Variants in ADARB2 observed in about 807,000 individuals in gnomAD.
The protein encoded by ADARB2 is adenosine deaminase RNA specific B2 (inactive), also known as inactive double-stranded RNA-specific editase B2.
ADARB2 carries 25 observed loss-of-function variants against 62.2 expected under a neutral mutation model. That is an observed-to-expected ratio of 0.40 (90% CI 0.29 to 0.56). The LOEUF (loss-of-function observed/expected upper bound fraction) is 0.56. Among genes scored for constraint, ADARB2 ranks in the 20% least tolerant of loss-of-function variants. The probability of loss-of-function intolerance (pLI) is 0.43; values close to 1 mark genes in which losing one functional copy is unlikely to be tolerated. For synonymous variants in ADARB2, 572 were observed against 500.8 expected (o/e 1.14, Z -1.90); for missense variants, 1,071 against 1,077.4 (o/e 0.99, Z 0.08).
intron 3 of ADARB2, among the ~76,000 whole-genome samples, chr10:1,336,841 G>A (rs1355193072): frequency 4.6e-5 from 7 of 152,064 alleles, no homozygotes; most frequent in Non-Finnish European, 7.4e-5. Flanking sequence ...TTCCATCGTC[G>A]TTGGTGATTC....
At chr10:1,626,803 A>C (rs1296295159) in intron 1 of ADARB2, among the ~76,000 whole-genome samples, 3 of 152,222 alleles carry the variant, frequency 2.0e-5, no homozygotes, top group African/African-American at 7.2e-5. Context: ...TACATGTTGT[A>C]TTATATATAG....
At position 1,330,394 on chromosome 10, in the gene ADARB2, CTATT is replaced by C. The variant is rs1405410489; in HGVS notation, c.1077+32630_1077+32633del. ...ATTTATAGAGGATCTATAAATCACT[CTATT>C]AATTTGTAAAACATATACAAAAATA... On this transcript the variant is annotated intron_variant, in intron 3 of 9. Coordinates refer to ENST00000381312, the MANE Select transcript of ADARB2 (RefSeq NM_018702.4). 1.1e-4 allele frequency among the ~76,000 whole-genome samples: 17 copies of C among 152,186 alleles called. No homozygotes were observed. The East Asian group carries it at 2.1e-3, about 19-fold the overall frequency.
chr10:1,566,621 A>G (rs1393708941), intron 1 of ADARB2, among the ~76,000 whole-genome samples: 2 of 152,238 alleles, frequency 1.3e-5, no homozygotes, highest in African/African-American at 4.8e-5. Flanking sequence ...GGCAGATTCA[A>G]TGAGAGAAAT....
intron 1 of ADARB2, among the ~76,000 whole-genome samples, chr10:1,636,934 CTATA>C (rs746429489): frequency 5.8e-4 from 87 of 150,070 alleles, no homozygotes; most frequent in African/African-American, 1.9e-3. Flanking sequence ...ATATCTCTCT[CTATA>C]TATAAAATTT....
chr10:1,529,052 AACAAATCCTCCAATC>A (rs1832184795), intron 1 of ADARB2, among the ~76,000 whole-genome samples: 1 of 151,492 alleles, frequency 6.6e-6, no homozygotes, highest in Non-Finnish European at 1.5e-5. Context: ...GCACCACCCC[AACAAATCCTCCAATC>A]AGTCCACCCA....
intron 6 of ADARB2, among the ~76,000 whole-genome samples, chr10:1,223,827 G>A (rs145034291): frequency 0.28 from 42,096 of 152,086 alleles, 7,097 homozygotes; most frequent in South Asian, 0.45. Context: ...CGTTTTGCCC[G>A]TATTTTATTG....
intron 7 of ADARB2, among the ~76,000 whole-genome samples, chr10:1,205,516 C>T (rs1316103029): frequency 6.6e-6 from 1 of 152,202 alleles, no homozygotes; most frequent in East Asian, 1.9e-4. Flanking sequence ...GGAGCTCACA[C>T]AGGTCAGGCC....
rs1413256545 is a variant in ADARB2, at chr10:1,255,117, G to A, written c.1193-12818C>T. Among the ~76,000 whole-genome samples the A allele has an allele frequency of 1.3e-5, 2 of 152,266 alleles. No homozygotes were observed. The highest frequency in any genetic ancestry group is 3.8e-4 in the East Asian group (2 of 5,202). ...AGTCATGCCGGGGCTCAGCCCCAGT[G>A]AGGGAGCAAGCGGGGCCAATGCTCT... is the stretch of plus-strand genomic sequence containing the variant. On this transcript the variant is annotated intron_variant, in intron 4 of 9. Coordinates refer to ENST00000381312, the MANE Select transcript of ADARB2 (RefSeq NM_018702.4). The surrounding 1 kb of genome is among the most constrained non-coding windows in gnomAD (Gnocchi z 4.7).
rs138970040 is a variant in ADARB2 at position 1,623,696 on chromosome 10, C to T, written c.100+113355G>A. Among the ~76,000 whole-genome samples the T allele has an allele frequency of 2.1e-3, 314 of 152,358 alleles. 1 individual carries two copies. The highest frequency in any genetic ancestry group is 6.8e-3 in the African/African-American group (284 of 41,590). On this transcript the variant is annotated intron_variant, in intron 1 of 9. Coordinates refer to ENST00000381312, the MANE Select transcript of ADARB2 (RefSeq NM_018702.4). The stretch of plus-strand genomic sequence containing the variant: ...CATGGATTCCCTGCCTTATTGAAGA[C>T]ATTGGAGACCTCCCTCCCGCCTACA...
chr10:1,568,329 C>A (rs1456353939), intron 1 of ADARB2, among the ~76,000 whole-genome samples: 1 of 152,098 alleles, frequency 6.6e-6, no homozygotes, highest in African/African-American at 2.4e-5. Flanking sequence ...GCTCCTGCAC[C>A]AGCAGCACAG....
chr10:1,364,284 T>C (rs1475832005), intron 2 of ADARB2, among the ~76,000 whole-genome samples: 1 of 152,180 alleles, frequency 6.6e-6, no homozygotes, highest in Non-Finnish European at 1.5e-5. Context: ...AGTGTCCCCC[T>C]TCCCACCTGC....
At position 1,733,000 on chromosome 10, in the gene ADARB2, A is replaced by G. The variant is rs76146510; in HGVS notation, c.100+4051T>C. Among the ~76,000 whole-genome samples the G allele has an allele frequency of 4.1e-3, 631 of 152,356 alleles. 4 individuals carry two copies. Among genetic ancestry groups the G allele is most frequent in the African/African-American group, 0.015 (606 of 41,576 alleles). On this transcript the variant is annotated intron_variant, in intron 1 of 9. Coordinates refer to ENST00000381312, the MANE Select transcript of ADARB2 (RefSeq NM_018702.4). Reference sequence around the variant, plus strand: ...GCTCAAAATGTATTTTCAAGTTTCTAAAACTCTGTATAACCAACCACTCTA... The same window carrying G: ...GCTCAAAATGTATTTTCAAGTTTCTGAAACTCTGTATAACCAACCACTCTA...
intron 1 of ADARB2, among the ~76,000 whole-genome samples, chr10:1,481,191 G>C (rs1386288470): frequency 6.6e-6 from 1 of 152,198 alleles, no homozygotes; most frequent in Non-Finnish European, 1.5e-5. Flanking sequence ...TTTGACAAAG[G>C]TGCTGCAACT....
At chr10:1,441,463 T>A (rs1313795342) in intron 1 of ADARB2, among the ~76,000 whole-genome samples, 2 of 152,244 alleles carry the variant, frequency 1.3e-5, no homozygotes, top group South Asian at 2.1e-4. Context: ...TGTTTACATA[T>A]GATTATTTGT....
chr10:1,607,441 T>C (rs1159718945), intron 1 of ADARB2, among the ~76,000 whole-genome samples: 1 of 152,218 alleles, frequency 6.6e-6, no homozygotes, highest in Non-Finnish European at 1.5e-5. Flanking sequence ...CTCTGAAGTT[T>C]CTCATCACCT....
At chr10:1,372,764 TTTA>T (rs2131855964) in intron 2 of ADARB2, among the ~76,000 whole-genome samples, 1 of 152,340 alleles carries the variant, frequency 6.6e-6, no homozygotes. Context: ...CACTCCGAAA[TTTA>T]TTATCCCAAA....
intron 1 of ADARB2, chr10:1,526,845 CG>C (rs776927959): frequency 3.9e-6 from 2 of 514,032 alleles, no homozygotes; most frequent in African/African-American, 3.9e-5. Context: ...GGGTCGTGAG[CG>C]GGCACAGGCA....
intron 2 of ADARB2, among the ~76,000 whole-genome samples, chr10:1,373,315 C>G (rs1832389665): frequency 6.6e-6 from 1 of 151,930 alleles, no homozygotes; most frequent in South Asian, 2.1e-4. Context: ...GTCTCTGACA[C>G]ACACACACAC....
rs112452133 is a variant in ADARB2, at chr10:1,577,221, CT to C, written c.100+159829del. Among the ~76,000 whole-genome samples, 21 of 74,290 alleles carry C rather than the reference CT, an allele frequency of 2.8e-4. 1 individual carries two copies. The highest frequency in any genetic ancestry group is 4.9e-4 in the African/African-American group (9 of 18,266). The allele number at this position is 74,290 out of a possible 152,430, so 48.7% of individuals were successfully genotyped here. A position where few individuals can be genotyped will look rare whatever the true frequency, so the allele number is the denominator to read the frequency against. On this transcript the variant is annotated intron_variant, in intron 1 of 9. Coordinates refer to ENST00000381312, the MANE Select transcript of ADARB2 (RefSeq NM_018702.4). ...CACACAGGTGGTGGGTGGAAAGAAG[CT>C]CAGGTGCATCCTGGTGCAAAGCTGT...
Sources: allele counts gnomAD v4.1 joint callset (sites outside exome capture counted in the v4.1 genomes callset), GRCh38; gene constraint gnomAD v4.1.1; non-coding constraint Gnocchi (gnomAD v3.1); transcripts MANE v1.5; gene names NCBI Gene and HGNC (gene_info 2026-07-23, HGNC 2026-07-21).